DIAPH1: variants seen among roughly 807,000 people sequenced by gnomAD.
DIAPH1 encodes protein diaphanous homolog 1.
A neutral mutation model predicts 140.7 loss-of-function variants in DIAPH1; 46 were observed. The observed-to-expected ratio is 0.33, with a 90% CI of 0.26 to 0.42. The LOEUF (loss-of-function observed/expected upper bound fraction) is 0.42, where lower values mean the gene tolerates loss of function less well. Among genes scored for constraint, DIAPH1 ranks in the 10% least tolerant of loss-of-function variants. The pLI is 1.00. For missense variants in DIAPH1, 1,310 were observed against 1,558.7 expected (o/e 0.84, Z 2.69); for synonymous variants, 565 against 551.6 (o/e 1.02, Z -0.34).
chr5:141,527,430 C>G, intron 24 of DIAPH1, 143 bp downstream of exon 24: 1 of 912,020 alleles, frequency 1.1e-6, no homozygotes, highest in Non-Finnish European at 1.6e-6. Flanking sequence ...TACTAACAAA[C>G]CCAAAAAACT....
At chr5:141,529,457 TG>T (rs1259110987) in intron 20 of DIAPH1, 145 bp downstream of exon 20, 1 of 908,166 alleles carries the variant, frequency 1.1e-6, no homozygotes, top group East Asian at 2.5e-5. Context: ...AGAAGTAATC[TG>T]ACCACCAGAG....
At chr5:141,616,532 T>G (rs1000765017) in intron 1 of DIAPH1, among the ~76,000 whole-genome samples, 4 of 152,022 alleles carry the variant, frequency 2.6e-5, no homozygotes, top group African/African-American at 4.8e-5. Context: ...TCTCGCCCAC[T>G]CCACCCACCC....
Position 141,516,837 on chromosome 5 carries a change from T to G in DIAPH1, c.*14A>C, listed in dbSNP as rs773890622. Reference sequence around the variant, plus strand: ...CGGCTCCGCTGAGGAGCTGCCGCGGTCACAGGACCCACATTAGCTTGCACG... The same window carrying G: ...CGGCTCCGCTGAGGAGCTGCCGCGGGCACAGGACCCACATTAGCTTGCACG... On this transcript the variant is annotated 3_prime_UTR_variant, in exon 28 of 28. Coordinates refer to ENST00000389054, the MANE Select transcript of DIAPH1 (RefSeq NM_005219.5). 6 of 1,613,802 alleles carry G rather than the reference T, an allele frequency of 3.7e-6. No individual in the cohort carries two copies. The highest frequency in any genetic ancestry group is 5.1e-6 in the Non-Finnish European group (6 of 1,180,016).
At chr5:141,582,059 C>CAAAAAAAA (rs70991705) in intron 7 of DIAPH1, 6 of 79,772 alleles carry the variant, frequency 7.5e-5, no homozygotes, top group Non-Finnish European at 1.2e-4. Context: ...GACTCCATCT[C>CAAAAAAAA]AAAAAAAAAA....
At chr5:141,528,987 A>T in intron 21 of DIAPH1, 46 bp from the exon 22 acceptor site, 1 of 1,613,540 alleles carries the variant, frequency 6.2e-7, no homozygotes, top group East Asian at 2.2e-5. Context: ...AAGAGGGGGA[A>T]GTCAGAAAAA....
At chr5:141,524,348 A>C in intron 26 of DIAPH1, 119 bp from the exon 27 acceptor site, 13 of 915,056 alleles carry the variant, frequency 1.4e-5, no homozygotes, top group Non-Finnish European at 2.3e-5. Flanking sequence ...AGCAGCTGGC[A>C]GCTAAGAAGA....
chr5:141,534,350 T>G lies in DIAPH1; in HGVS notation c.2566A>C (p.Thr856Pro). The G allele has an allele frequency of 6.2e-7, 1 of 1,613,394 alleles. No individual in the cohort carries two copies. Among genetic ancestry groups the G allele is most frequent in the Non-Finnish European group, 8.5e-7 (1 of 1,179,556 alleles). Residue 856 changes from threonine to proline, a missense_variant, in exon 19 of 28, where the codon ACA becomes CCA. Thr to Pro is a conservative substitution (Grantham distance 38). Coordinates refer to ENST00000389054, the MANE Select transcript of DIAPH1 (RefSeq NM_005219.5). ...VKELKVLDSK[T>P]AQNLSIFLGS... The stretch of plus-strand genomic sequence containing the variant: ...AGATACTCACAGAGATTCTGGGCTG[T>G]CTTTGAATCCAACACCTTTAACTCT...
At chr5:141,571,396 G>A in intron 18 of DIAPH1, 32 bp downstream of exon 18, 1 of 1,582,166 alleles carries the variant, frequency 6.3e-7, no homozygotes, top group African/African-American at 1.4e-5. Flanking sequence ...ATATTCAAGA[G>A]ACCAAACTAA....
At chr5:141,568,694 C>G (rs190721319) in intron 18 of DIAPH1, among the ~76,000 whole-genome samples, 74 of 152,214 alleles carry the variant, frequency 4.9e-4, no homozygotes, top group African/African-American at 1.7e-3. Context: ...GAGGCAGGTG[C>G]TTTCTTCAAT....
chr5:141,524,351 T>A (rs115997871), intron 26 of DIAPH1, 122 bp from the exon 27 acceptor site: 1 of 897,688 alleles, frequency 1.1e-6, no homozygotes, highest in African/African-American at 1.6e-5. Context: ...AGCTGGCAGC[T>A]AAGAAGAGGC....
At chr5:141,609,108 T>A (rs1295801639) in intron 1 of DIAPH1, among the ~76,000 whole-genome samples, 1 of 148,728 alleles carries the variant, frequency 6.7e-6, no homozygotes, top group African/African-American at 2.5e-5. Context: ...TATTTTTTCA[T>A]GCCTAAAAAA....
chr5:141,531,360 AG>A (rs1033409818), intron 19 of DIAPH1, among the ~76,000 whole-genome samples: 2 of 151,342 alleles, frequency 1.3e-5, no homozygotes, highest in African/African-American at 4.9e-5. Context: ...CCCAAGCTAG[AG>A]TGCAGCAGTG....
rs1241241425 is a variant in DIAPH1 at position 141,528,589 on chromosome 5, G to C, written c.3019-7C>G. ...TGGACTTGGTGTCTCGAAGCTTAGA[G>C]AAAGAGGAGAAACTGTTAAATCCTG... On this transcript the variant is annotated splice_polypyrimidine_tract_variant and splice_region_variant and intron_variant, in intron 22 of 27. Coordinates refer to ENST00000389054, the MANE Select transcript of DIAPH1 (RefSeq NM_005219.5). 1.9e-6 allele frequency: 3 copies of C among 1,614,224 alleles called. No individual in the cohort carries two copies. The highest frequency in any genetic ancestry group is 2.5e-6 in the Non-Finnish European group (3 of 1,180,040).
chr5:141,534,485 C>G (rs1293938678), intron 18 of DIAPH1, 52 bp from the exon 19 acceptor site: 1 of 1,442,750 alleles, frequency 6.9e-7, no homozygotes, highest in South Asian at 1.1e-5. Context: ...CACCTCTGTG[C>G]TTTACCAAGC....
chr5:141,576,210 C>T lies in DIAPH1; in HGVS notation c.1461+20G>A, dbSNP rs2302103. 957,762 of 1,561,494 alleles carry T rather than the reference C, an allele frequency of 0.61. 299,370 individuals are homozygous for T. The highest frequency in any genetic ancestry group is 0.85 in the African/African-American group (62,522 of 73,848). ...AAGAAAGATATACTCAAACACATGT[C>T]TTTGGTCTCTCATATGCACCTTCTT... On this transcript the variant is annotated intron_variant, in intron 14 of 27. Coordinates refer to ENST00000389054, the MANE Select transcript of DIAPH1 (RefSeq NM_005219.5).
rs2099896171 is a variant in DIAPH1 at position 141,577,731 on chromosome 5, AC to A, written c.1164-141del. On this transcript the variant is annotated intron_variant, in intron 11 of 27. Transcript: ENST00000389054. Reference sequence around the variant, plus strand: ...ACTGGCTGTTCTTCCTGTAAACATCACCAGAAACTTTAAGCTTTCTAAAACG... The same window carrying A: ...ACTGGCTGTTCTTCCTGTAAACATCACAGAAACTTTAAGCTTTCTAAAACG... 5.6e-5 allele frequency: 39 copies of A among 702,504 alleles called. 2 individuals are homozygous for A. The South Asian group carries it at 5.7e-4, about 10-fold the overall frequency. The allele number at this position is 702,504 out of a possible 1,614,324, so 43.5% of individuals were successfully genotyped here.
chr5:141,529,669 G>C lies in DIAPH1; in HGVS notation c.2610C>G (p.Pro870=). 1 of 1,614,080 alleles carries C rather than the reference G, an allele frequency of 6.2e-7. No homozygotes were observed. The highest frequency in any genetic ancestry group is 8.5e-7 in the Non-Finnish European group (1 of 1,179,988). The stretch of plus-strand genomic sequence containing the variant: ...GGATGACATTCTTAATCTCTTGATA[G>C]GGCATGCGGAAGGAACCCAAAAAGA... The part of the protein sequence containing the change: ...LSIFLGSFRM[P]YQEIKNVILE... Residue 870 remains proline (P), a synonymous_variant, in exon 20 of 28, where the codon CCC becomes CCG. Coordinates refer to ENST00000389054, the MANE Select transcript of DIAPH1 (RefSeq NM_005219.5).
Position 141,578,528 on chromosome 5 carries a change from T to C in DIAPH1, c.1031A>G (p.His344Arg). Residue 344 changes from histidine (H) to arginine (R), a missense_variant, in exon 10 of 28, where the codon CAT becomes CGT. This residue lies in a region of DIAPH1 where 377 missense variants were observed against 497.1 expected (regional missense o/e 0.76). Coordinates refer to ENST00000389054, the MANE Select transcript of DIAPH1 (RefSeq NM_005219.5). ...IRSELMRLGLHQVLQDLREIE... is the reference protein window; with the variant it reads ...IRSELMRLGLRQVLQDLREIE... ...GTAATATCTTACCTGCAACACCTGA[T>C]GTAGCCCCAAACGCATCAGTTCACT... The C allele has an allele frequency of 1.2e-6, 2 of 1,613,926 alleles. No homozygotes were observed. The highest frequency in any genetic ancestry group is 1.3e-5 in the African/African-American group (1 of 75,034).
chr5:141,559,202 C>T lies in DIAPH1; in HGVS notation c.2482+12226G>A, dbSNP rs2099893139. On this transcript the variant is annotated intron_variant, in intron 18 of 27. Transcript: ENST00000389054. ...TATAAGTGTTAATATAAGAAGCTGC[C>T]CAAATGGAGGACTTCTGATTTATAT... 2.0e-5 allele frequency among the ~76,000 whole-genome samples: 3 copies of T among 151,990 alleles called. No homozygotes were observed. In the South Asian group the frequency reaches 6.2e-4, roughly 32 times the overall value.
Sources: gnomAD v4.1 joint callset for allele counts (sites outside exome capture counted in the v4.1 genomes callset) on GRCh38, gnomAD v4.1.1 for gene constraint, gnomAD v4.1.1 regional missense constraint, MANE v1.5 for transcripts, NCBI Gene and HGNC (gene_info 2026-07-23, HGNC 2026-07-21) for gene names.